Variants in ZNFX1 observed in about 807,000 individuals in gnomAD.
ZNFX1 encodes zinc finger NFX1-type containing 1.
ZNFX1 carries 78 observed loss-of-function variants against 179.8 expected under a neutral mutation model. That is an observed-to-expected ratio of 0.43 (90% CI 0.36 to 0.52). The LOEUF is 0.52. ZNFX1 is among the 20% of genes least tolerant of loss of function. ZNFX1 has a pLI of 0.00. For synonymous variants in ZNFX1, 848 were observed against 868.5 expected, an observed-to-expected ratio of 0.98 and a Z score of 0.42; for missense variants, 1,927 against 2,386.6, an observed-to-expected ratio of 0.81 and a Z score of 4.01.
Position 49,264,732 on chromosome 20 carries a change from C to G in ZNFX1, c.2135G>C (p.Arg712Pro). ...EFRRNLPMHL[R>P]RAYMSIMTQM... ...GGGACTTACACTCATGTAGGCCCTTCGGAGGTGCATGGGGAGGTTGCGGCG... is the reference window on the plus strand; with the variant it reads ...GGGACTTACACTCATGTAGGCCCTTGGGAGGTGCATGGGGAGGTTGCGGCG... The change falls in exon 5 of 14, where the codon CGA becomes CCA. Residue 712 changes from arginine to proline, a missense_variant. Physicochemically the swap from Arg to Pro is moderately radical, Grantham distance 103. Coordinates refer to ENST00000396105, the MANE Select transcript of ZNFX1 (RefSeq NM_021035.3). The G allele has an allele frequency of 1.2e-6, 2 of 1,614,032 alleles. No homozygotes were observed. The highest frequency in any genetic ancestry group is 1.7e-6 in the Non-Finnish European group (2 of 1,180,040).
chr20:49,251,684 A>T, intron 12 of ZNFX1, 62 bp from the exon 13 acceptor site: 1 of 1,441,296 alleles, frequency 6.9e-7, no homozygotes, highest in Non-Finnish European at 9.5e-7. Flanking sequence ...AATTTCTTTA[A>T]AGATAAGGTT....
rs371188677 is a variant in ZNFX1 at position 49,270,786 on chromosome 20, G to A, written c.1026C>T (p.Tyr342=). Residue 342 remains tyrosine, a synonymous_variant, in exon 3 of 14, where the codon TAC becomes TAT. Transcript: ENST00000396105. This position sits in a 1 kb window ranked among gnomAD's most constrained non-coding sequence, Gnocchi z 4.6. ...SYRTMPIYPT[Y]NEVHLDERPF... ...GCCTCTCATCCAAGTGCACTTCATT[G>A]TAGGTAGGGTAAATGGGCATGGTTC... 1.9e-6 allele frequency: 3 copies of A among 1,614,186 alleles called. No homozygotes were observed. Among genetic ancestry groups the A allele is most frequent in the Middle Eastern group, 1.6e-4 (1 of 6,062 alleles).
At chr20:49,267,880 G>GTTT (rs11464385) in intron 3 of ZNFX1, among the ~76,000 whole-genome samples, 1 of 147,290 alleles carries the variant, frequency 6.8e-6, no homozygotes, top group Non-Finnish European at 1.5e-5. Flanking sequence ...TAACAGTTTT[G>GTTT]TTTTTTTTTT....
chr20:49,264,974 T>A, intron 4 of ZNFX1, 110 bp from the exon 5 acceptor site: 1 of 1,483,122 alleles, frequency 6.7e-7, no homozygotes. Flanking sequence ...AGAATAAACT[T>A]GTGCTTAAAG....
chr20:49,252,445 A>C (rs1249302790), intron 12 of ZNFX1, among the ~76,000 whole-genome samples: 1 of 151,346 alleles, frequency 6.6e-6, no homozygotes, highest in Non-Finnish European at 1.5e-5. Context: ...CCTGGCCTCT[A>C]TTTTTCTTAA....
rs766421651 is a variant in ZNFX1, at chr20:49,270,261, G to A, written c.1551C>T (p.His517=). Residue 517 remains histidine, a synonymous_variant, in exon 3 of 14, where the codon CAC becomes CAT. Coordinates refer to ENST00000396105, the MANE Select transcript of ZNFX1 (RefSeq NM_021035.3). This position sits in a 1 kb window ranked among gnomAD's most constrained non-coding sequence, Gnocchi z 4.6. ...ETTAYFEAYR[H]VLEGLQEVQE... is the part of the protein sequence containing the mutation. ...GGACCTCCTGGAGTCCTTCCAGGAC[G>A]TGCCTGTAGGCCTCAAAGTATGCAG... 7.0e-5 allele frequency: 113 copies of A among 1,613,910 alleles called. 2 individuals are homozygous for A. In the South Asian group the frequency reaches 1.1e-3, roughly 16 times the overall value.
At chr20:49,260,440 C>T in intron 7 of ZNFX1, 23 bp downstream of exon 7, 1 of 1,527,916 alleles carries the variant, frequency 6.5e-7, no homozygotes, top group Non-Finnish European at 9.0e-7. Context: ...AGATTTGATT[C>T]TAGGAAGACA....
In ZNFX1 at chr20:49,263,381, A is replaced by G; in HGVS notation, c.2254T>C (p.Tyr752His). Residue 752 changes from tyrosine to histidine, a missense_variant, in exon 6 of 14, where the codon TAC (tyrosine) becomes CAC (histidine). Tyr to His is a moderately conservative substitution (Grantham distance 83). Coordinates refer to ENST00000396105, the MANE Select transcript of ZNFX1 (RefSeq NM_021035.3). ...GVLREQYLQK[Y>H]ISPQHWESLM... is the part of the protein sequence containing the mutation. ...CTTTCCCAGTGCTGGGGTGAGATGT[A>G]CTTCTGCAGGTACTGTTCCCGTAGG... The G allele has an allele frequency of 3.7e-6, 6 of 1,613,986 alleles. No individual in the cohort carries two copies. The highest frequency in any genetic ancestry group is 5.1e-6 in the Non-Finnish European group (6 of 1,180,018).
rs745515199 is a variant in ZNFX1 at position 49,246,844 on chromosome 20, T to A, written c.*423A>T. ...TGGGTGAGCCCTAAAAGTGGATCCT[T>A]AAGTAGGTGCTAAGACTAAAAAGAA... On this transcript the variant is annotated 3_prime_UTR_variant, in exon 14 of 14. Transcript: ENST00000396105. The A allele has an allele frequency of 9.9e-5, 45 of 455,550 alleles. No homozygotes were observed. The highest frequency in any genetic ancestry group is 1.8e-4 in the Non-Finnish European group (41 of 226,872). The allele number at this position is 455,550 out of a possible 1,614,324, so 28.2% of individuals were successfully genotyped here. A position where few individuals can be genotyped will look rare whatever the true frequency, so the allele number is the denominator to read the frequency against.
At position 49,257,544 on chromosome 20, in the gene ZNFX1, G is replaced by T. The variant is rs1980998729; in HGVS notation, c.2537C>A (p.Pro846His). ...ACTCTCTTCCTTCTTCCGCCGCTGG[G>T]GCCTCACCACCTCTTCCTCCTCAAT... ...RVIEEEEVVR[P>H]QRRKKEESGA... The change falls in exon 8 of 14, where the codon CCC becomes CAC. Residue 846 changes from proline to histidine, a missense_variant. Pro to His is a moderately conservative substitution (Grantham distance 77, BLOSUM62 -2). Transcript: ENST00000396105. 1 of 1,613,496 alleles carries T rather than the reference G, an allele frequency of 6.2e-7. No individual in the cohort carries two copies. The highest frequency in any genetic ancestry group is 1.7e-5 in the Admixed American group (1 of 59,916).
At chr20:49,252,661 G>T in intron 12 of ZNFX1, 59 bp downstream of exon 12, 1 of 1,285,220 alleles carries the variant, frequency 7.8e-7, no homozygotes, top group Non-Finnish European at 1.1e-6. Flanking sequence ...CTGGCAACTG[G>T]CAGCTTCCCA....
chr20:49,247,441 C>G lies in ZNFX1; in HGVS notation c.5583G>C (p.Gly1861=). Residue 1861 remains glycine (G), a synonymous_variant, in exon 14 of 14, where the codon GGG becomes GGC. Coordinates refer to ENST00000396105, the MANE Select transcript of ZNFX1 (RefSeq NM_021035.3). ...NGHIYVIGDC[G]GAMERGTCPD... ...GACACGTGCCCCTCTCCATGGCTCC[C>G]CCACAATCGCCAATCACATAGATAT... 1 of 1,614,196 alleles carries G rather than the reference C, an allele frequency of 6.2e-7. No homozygotes were observed. The highest frequency in any genetic ancestry group is 1.1e-5 in the South Asian group (1 of 91,084).
intron 11 of ZNFX1, among the ~76,000 whole-genome samples, chr20:49,253,224 G>C (rs1980887319): frequency 1.3e-5 from 2 of 152,188 alleles, no homozygotes; most frequent in African/African-American, 4.8e-5. Flanking sequence ...ATAAGCCTTT[G>C]TGGGCCACTT....
At chr20:49,260,396 C>T (rs1981084877) in intron 7 of ZNFX1, 67 bp downstream of exon 7, 2 of 1,018,604 alleles carry the variant, frequency 2.0e-6, no homozygotes, top group Admixed American at 2.6e-5. Flanking sequence ...ATTTTTAAGT[C>T]TCACTGTTCT....
chr20:49,253,138 G>C (rs1980885352), intron 11 of ZNFX1, among the ~76,000 whole-genome samples: 1 of 152,134 alleles, frequency 6.6e-6, no homozygotes, highest in African/African-American at 2.4e-5. Context: ...GATCCATAAT[G>C]GGGAGCGGAA....
chr20:49,259,838 AATTG>A (rs1981071284), intron 7 of ZNFX1, among the ~76,000 whole-genome samples: 1 of 152,182 alleles, frequency 6.6e-6, no homozygotes. Context: ...GAGTTGACTT[AATTG>A]ATCCATCCAT....
Position 49,270,714 on chromosome 20 carries a change from A to T in ZNFX1, c.1098T>A (p.Ala366=). The T allele has an allele frequency of 6.2e-6, 10 of 1,614,206 alleles. No homozygotes were observed. The highest frequency in any genetic ancestry group is 8.5e-6 in the Non-Finnish European group (10 of 1,180,044). The change falls in exon 3 of 14, where the codon GCT becomes GCA. Residue 366 remains alanine, a synonymous_variant. Coordinates refer to ENST00000396105, the MANE Select transcript of ZNFX1 (RefSeq NM_021035.3). This position sits in a 1 kb window ranked among gnomAD's most constrained non-coding sequence, Gnocchi z 4.6. ...GCCGGAAGTGGGTATCCAGATAGAT[A>T]GCAGTGCTGTCGTATTTTCCAGAAA... ...NIISGKYDST[A]IYLDTHFRLL...
rs758135082 is a variant in ZNFX1, at chr20:49,251,597, C to T, written c.3242G>A (p.Arg1081His). The change falls in exon 13 of 14, where the codon CGC becomes CAC. Residue 1081 changes from arginine (R) to histidine (H), a missense_variant. By Grantham distance (29) the Arg-to-His change is conservative. Transcript: ENST00000396105. ...YQHRMCPEIA[R>H]LLTPHIYQDL... ...CTGGTAAATGTGGGGGGTCAAAAGG[C>T]GGGCAATTTCAGGGCACATACGGTG... 18 of 1,612,078 alleles carry T rather than the reference C, an allele frequency of 1.1e-5. No individual in the cohort carries two copies. In the Admixed American group the frequency reaches 1.2e-4, roughly 10 times the overall value.
rs1172359947 is a variant in ZNFX1 at position 49,247,086 on chromosome 20, C to T, written c.*181G>A. ...GTTTCGCCATGTTGGTCAGGCTGGT[C>T]TCGAACTCCTGACCTCGTGATCCGC... On this transcript the variant is annotated 3_prime_UTR_variant, in exon 14 of 14. Transcript: ENST00000396105. The T allele has an allele frequency of 1.4e-6, 1 of 733,328 alleles. No homozygotes were observed. The highest frequency in any genetic ancestry group is 2.2e-6 in the Non-Finnish European group (1 of 461,744). 45.4% of individuals were successfully genotyped at this position (733,328 alleles called of 1,614,324 possible). A position where few individuals can be genotyped will look rare whatever the true frequency, so the allele number is the denominator to read the frequency against.
Sources: allele counts gnomAD v4.1 joint callset (sites outside exome capture counted in the v4.1 genomes callset), GRCh38; gene constraint gnomAD v4.1.1; non-coding constraint Gnocchi (gnomAD v3.1); transcripts MANE v1.5; gene names NCBI Gene and HGNC (gene_info 2026-07-23, HGNC 2026-07-21).